Variants in CGGBP1 observed in about 807,000 individuals in gnomAD.
The protein encoded by CGGBP1 is CGG triplet repeat-binding protein 1.
CGGBP1 carries 4 observed loss-of-function variants against 11.4 expected under a neutral mutation model. The observed-to-expected ratio is 0.35, with a 90% CI of 0.17 to 0.80. CGGBP1 has a LOEUF of 0.80. Ranked by LOEUF, CGGBP1 falls within the 30% of genes least tolerant of loss-of-function variation. CGGBP1 has a pLI of 0.52. For missense variants in CGGBP1, 135 were observed against 202.1 expected (o/e 0.67, Z 2.01); for synonymous variants, 76 against 74.1 (o/e 1.03, Z -0.13).
intron 2 of CGGBP1, among the ~76,000 whole-genome samples, chr3:88,068,383 T>A (rs1707320978): frequency 6.6e-6 from 1 of 152,072 alleles, no homozygotes; most frequent in Non-Finnish European, 1.5e-5. Context: ...AGAAGAAAAG[T>A]GGTTGTATCA....
At chr3:88,093,124 A>C (rs1703849408) in intron 2 of CGGBP1, among the ~76,000 whole-genome samples, 1 of 152,216 alleles carries the variant, frequency 6.6e-6, no homozygotes, top group South Asian at 2.1e-4. Flanking sequence ...CATTCTTTGT[A>C]GATAAGAAAA....
intron 2 of CGGBP1, 71 bp downstream of exon 2, chr3:88,057,946 CAA>C (rs1706605022): frequency 6.6e-6 from 1 of 152,144 alleles, no homozygotes; most frequent in African/African-American, 2.4e-5. Flanking sequence ...AATTAGCCAA[CAA>C]AAGAGAAAAA....
At chr3:88,135,392 T>G in intron 2 of CGGBP1, 1 of 387,984 alleles carries the variant, frequency 2.6e-6, no homozygotes, top group African/African-American at 2.1e-5. Flanking sequence ...GATTTATTGT[T>G]ACTTAAAATT....
chr3:88,121,985 CCTGT>C (rs1705796497), intron 2 of CGGBP1, among the ~76,000 whole-genome samples: 1 of 152,148 alleles, frequency 6.6e-6, no homozygotes, highest in South Asian at 2.1e-4. Flanking sequence ...CCTTTCCCTT[CCTGT>C]CTGTTTGAAA....
chr3:88,107,737 T>A (rs1704831309), intron 2 of CGGBP1, among the ~76,000 whole-genome samples: 1 of 152,160 alleles, frequency 6.6e-6, no homozygotes, highest in Non-Finnish European at 1.5e-5. Context: ...TTTCTTCAGG[T>A]GTATCTAATC....
At chr3:88,068,271 G>T (rs1339330031) in intron 2 of CGGBP1, among the ~76,000 whole-genome samples, 2 of 152,038 alleles carry the variant, frequency 1.3e-5, no homozygotes, top group East Asian at 1.9e-4. Flanking sequence ...TCAGGATTAG[G>T]TGTAGACTAT....
chr3:88,130,286 C>G (rs1277539989), intron 2 of CGGBP1, among the ~76,000 whole-genome samples: 1 of 152,120 alleles, frequency 6.6e-6, no homozygotes, highest in Non-Finnish European at 1.5e-5. Context: ...ACTCTTACCA[C>G]TTTGCTGTTT....
chr3:88,083,756 C>T (rs1360244051), intron 2 of CGGBP1, among the ~76,000 whole-genome samples: 1 of 152,008 alleles, frequency 6.6e-6, no homozygotes, highest in African/African-American at 2.4e-5. Context: ...GCAGCTTCAG[C>T]GTTATCCTGG....
At chr3:88,094,829 A>G (rs1245209834) in intron 2 of CGGBP1, among the ~76,000 whole-genome samples, 6 of 152,128 alleles carry the variant, frequency 3.9e-5, no homozygotes, top group Admixed American at 2.0e-4. Context: ...TTTTTGATTT[A>G]TAGAACTAGA....
intron 2 of CGGBP1, chr3:88,126,001 C>A: frequency 1.0e-6 from 1 of 973,180 alleles, no homozygotes; most frequent in Non-Finnish European, 1.4e-6. Flanking sequence ...ACTTAGGTTA[C>A]AATAGTAACC....
At chr3:88,114,897 T>G (rs1705298208) in intron 2 of CGGBP1, among the ~76,000 whole-genome samples, 2 of 152,216 alleles carry the variant, frequency 1.3e-5, no homozygotes, top group Admixed American at 6.5e-5. Flanking sequence ...TAGTGACCAA[T>G]AGTGATAAGT....
At chr3:88,136,027 A>G (rs1393641510) in intron 2 of CGGBP1, among the ~76,000 whole-genome samples, 1 of 152,140 alleles carries the variant, frequency 6.6e-6, no homozygotes, top group Non-Finnish European at 1.5e-5. Flanking sequence ...TAATTTCGCT[A>G]ACTGCATTTA....
At chr3:88,126,503 T>G (rs530573076) in intron 2 of CGGBP1, among the ~76,000 whole-genome samples, 3 of 151,936 alleles carry the variant, frequency 2.0e-5, no homozygotes, top group South Asian at 4.2e-4. Context: ...ACACATCTAC[T>G]AGATGTTATT....
At chr3:88,065,583 G>GT (rs1182368233) in intron 2 of CGGBP1, among the ~76,000 whole-genome samples, 1 of 151,926 alleles carries the variant, frequency 6.6e-6, no homozygotes, top group African/African-American at 2.4e-5. Context: ...TGTTAACTTT[G>GT]TGGTGGTATG....
intron 2 of CGGBP1, chr3:88,138,768 CATG>C (rs1706956471): frequency 8.1e-7 from 1 of 1,232,018 alleles, no homozygotes; most frequent in East Asian, 3.2e-5. Flanking sequence ...ACTCGACCTT[CATG>C]ATGATCCCAA....
intron 2 of CGGBP1, among the ~76,000 whole-genome samples, chr3:88,080,908 T>C (rs776929776): frequency 3.9e-5 from 6 of 152,222 alleles, no homozygotes; most frequent in Non-Finnish European, 5.9e-5. Context: ...ATTGGTACAA[T>C]AGTCACAAAA....
At chr3:88,135,033 G>C (rs76902616) in intron 2 of CGGBP1, 21,892 of 1,344,846 alleles carry the variant, frequency 0.016, 287 homozygotes, top group Non-Finnish European at 0.017. Flanking sequence ...CTGTATTTTT[G>C]ATAATTCTCT....
chr3:88,064,144 A>G (rs1476688078), intron 2 of CGGBP1, among the ~76,000 whole-genome samples: 1 of 152,048 alleles, frequency 6.6e-6, no homozygotes, highest in Non-Finnish European at 1.5e-5. Context: ...ATAACAAAAA[A>G]TAGCAGTCAT....
intron 2 of CGGBP1, among the ~76,000 whole-genome samples, chr3:88,121,038 A>T (rs1705739305): frequency 2.0e-5 from 3 of 152,122 alleles, no homozygotes; most frequent in Non-Finnish European, 4.4e-5. Flanking sequence ...CCACCATGGT[A>T]CGTGTATACC....
Sources: allele counts gnomAD v4.1 joint callset (sites outside exome capture counted in the v4.1 genomes callset), GRCh38; gene constraint gnomAD v4.1.1; transcripts MANE v1.5; gene names NCBI Gene and HGNC (gene_info 2026-07-23, HGNC 2026-07-21).